FRMD4B: variants seen among roughly 807,000 people sequenced by gnomAD.
FRMD4B encodes FERM domain containing 4B, also known as FERM domain-containing protein 4B.
Under a neutral mutation model 141.5 loss-of-function variants are expected in FRMD4B, and 74 were observed. That is an observed-to-expected ratio of 0.52 (90% confidence interval 0.43 to 0.63). The LOEUF is 0.63. Ranked by LOEUF, FRMD4B falls within the 30% of genes least tolerant of loss-of-function variation. FRMD4B has a pLI of 0.00. For synonymous variants in FRMD4B, 506 were observed against 467.9 expected (o/e 1.08, Z -1.05); for missense variants, 1,366 against 1,253.4 (o/e 1.09, Z -1.36).
At chr3:69,276,496 T>C (rs969033429) in intron 5 of FRMD4B, among the ~76,000 whole-genome samples, 10 of 151,988 alleles carry the variant, frequency 6.6e-5, no homozygotes, top group Non-Finnish European at 1.5e-4. Flanking sequence ...CTGGTCTCAA[T>C]CTCCTGGGCT....
At chr3:69,223,410 G>T (rs1228757273) in intron 8 of FRMD4B, among the ~76,000 whole-genome samples, 1 of 152,136 alleles carries the variant, frequency 6.6e-6, no homozygotes, top group African/African-American at 2.4e-5. Context: ...AGCTATTTGG[G>T]ATACTGAAGC....
At chr3:69,396,332 C>T (rs747196339) in intron 2 of FRMD4B, among the ~76,000 whole-genome samples, 1 of 152,042 alleles carries the variant, frequency 6.6e-6, no homozygotes, top group Admixed American at 6.6e-5. Context: ...TGGTGAAACC[C>T]CTTCTCCACT....
chr3:69,445,267 A>T lies in FRMD4B; in HGVS notation c.-128-12506T>A, dbSNP rs373540849. ...ATGTCTGGAGAATCACAGAAGGGGG[A>T]CGATGCAGTCTTTATAACCAGAGTT... On this transcript the variant is annotated intron_variant, in intron 1 of 5. Transcript: ENST00000459638. Among the ~76,000 whole-genome samples, 5 of 152,172 alleles carry T rather than the reference A, an allele frequency of 3.3e-5. No homozygotes were observed. In the East Asian group the frequency reaches 5.8e-4, roughly 18 times the overall value.
intron 1 of FRMD4B, among the ~76,000 whole-genome samples, chr3:69,518,933 C>T (rs1023201766): frequency 2.0e-5 from 3 of 152,272 alleles, no homozygotes; most frequent in African/African-American, 4.8e-5. Context: ...CAAATACAAA[C>T]GTGCAGAAGC....
chr3:69,522,685 T>G, intron 1 of FRMD4B, among the ~76,000 whole-genome samples: 1 of 152,208 alleles, frequency 6.6e-6, no homozygotes, highest in East Asian at 1.9e-4. Flanking sequence ...CTTCTGCTGT[T>G]GGAAGGATGT....
chr3:69,267,504 C>G (rs1424028010), intron 5 of FRMD4B, among the ~76,000 whole-genome samples: 1 of 151,126 alleles, frequency 6.6e-6, no homozygotes, highest in East Asian at 1.9e-4. Context: ...GCAGAGATAT[C>G]TTTAACTCAC....
At chr3:69,253,557 C>A (rs2093476269) in intron 5 of FRMD4B, among the ~76,000 whole-genome samples, 1 of 152,144 alleles carries the variant, frequency 6.6e-6, no homozygotes, top group South Asian at 2.1e-4. Context: ...TGTGCTACAG[C>A]AATGAATATT....
intron 1 of FRMD4B, among the ~76,000 whole-genome samples, chr3:69,461,332 C>A (rs1231910773): frequency 1.3e-5 from 2 of 152,000 alleles, no homozygotes; most frequent in South Asian, 2.1e-4. Flanking sequence ...CAAGGTGGGC[C>A]GAGATTGCTT....
chr3:69,304,442 C>G (rs1412749158), intron 3 of FRMD4B, among the ~76,000 whole-genome samples: 3 of 148,896 alleles, frequency 2.0e-5, no homozygotes, highest in African/African-American at 5.0e-5. Context: ...CGAGGTCATG[C>G]CACTACACTC....
At chr3:69,368,119 T>G (rs1559832975) in intron 1 of FRMD4B, among the ~76,000 whole-genome samples, 1 of 152,202 alleles carries the variant, frequency 6.6e-6, no homozygotes, top group Non-Finnish European at 1.5e-5. Flanking sequence ...TCTTTTCATG[T>G]TCTAGGCATC....
intron 1 of FRMD4B, among the ~76,000 whole-genome samples, chr3:69,444,061 T>C (rs1256009337): frequency 6.6e-6 from 1 of 152,062 alleles, no homozygotes; most frequent in Non-Finnish European, 1.5e-5. Context: ...ACCCAGAGGC[T>C]GACAGCACAC....
At chr3:69,308,597 C>G (rs1040952838) in intron 3 of FRMD4B, among the ~76,000 whole-genome samples, 2 of 151,970 alleles carry the variant, frequency 1.3e-5, no homozygotes, top group African/African-American at 4.8e-5. Flanking sequence ...ACCATCATGC[C>G]CCCTTAATGT....
Position 69,294,859 on chromosome 3 carries a change from G to A in FRMD4B, c.417-7023C>T, listed in dbSNP as rs189035219. On this transcript the variant is annotated intron_variant, in intron 4 of 22. Coordinates refer to ENST00000398540, the MANE Select transcript of FRMD4B (RefSeq NM_015123.3). ...AGAGGGAGTGGGGAGGGGAGGCAGCGGAGAAAAGTGGGGAAGTAACATCTG... is the reference window on the plus strand; with the variant it reads ...AGAGGGAGTGGGGAGGGGAGGCAGCAGAGAAAAGTGGGGAAGTAACATCTG... Among the ~76,000 whole-genome samples the A allele has an allele frequency of 7.2e-4, 110 of 152,212 alleles. 1 individual carries two copies. Among genetic ancestry groups the A allele is most frequent in the African/African-American group, 2.5e-3 (104 of 41,544 alleles).
chr3:69,494,968 G>A (rs532239623), intron 1 of FRMD4B, among the ~76,000 whole-genome samples: 2 of 150,148 alleles, frequency 1.3e-5, no homozygotes, highest in African/African-American at 4.9e-5. Flanking sequence ...GGAGGGGAAG[G>A]AAAGGAAGGA....
intron 1 of FRMD4B, among the ~76,000 whole-genome samples, chr3:69,513,556 G>C (rs921952650): frequency 4.6e-5 from 7 of 151,992 alleles, no homozygotes; most frequent in South Asian, 2.1e-4. Context: ...TATTTTATGA[G>C]GCCAGCATTA....
At chr3:69,274,137 C>T (rs371093393) in intron 5 of FRMD4B, among the ~76,000 whole-genome samples, 2 of 152,036 alleles carry the variant, frequency 1.3e-5, no homozygotes, top group African/African-American at 4.8e-5. Context: ...TGCAAAGAGC[C>T]TAGAGTGATA....
intron 8 of FRMD4B, 71 bp downstream of exon 8, chr3:69,224,536 T>G: frequency 1.3e-6 from 1 of 741,144 alleles, no homozygotes; most frequent in East Asian, 2.6e-5. Context: ...TTTCTTTTAA[T>G]GCCCTGAAAA....
intron 2 of FRMD4B, among the ~76,000 whole-genome samples, chr3:69,404,288 A>G (rs1163484977): frequency 1.3e-5 from 2 of 152,324 alleles, no homozygotes; most frequent in East Asian, 3.9e-4. Context: ...ATTTCTCTCC[A>G]ATAACAGAAT....
At chr3:69,280,440 C>G (rs1267565225) in intron 5 of FRMD4B, among the ~76,000 whole-genome samples, 2 of 152,142 alleles carry the variant, frequency 1.3e-5, no homozygotes, top group Non-Finnish European at 2.9e-5. Flanking sequence ...TGAAATATCC[C>G]TCTAGAAGTG....
Sources: allele counts gnomAD v4.1 joint callset (sites outside exome capture counted in the v4.1 genomes callset), GRCh38; gene constraint gnomAD v4.1.1; transcripts MANE v1.5; gene names NCBI Gene and HGNC (gene_info 2026-07-23, HGNC 2026-07-21).